Variants in CDH23 observed in about 807,000 individuals in gnomAD.
The protein encoded by CDH23 is cadherin related 23.
CDH23 carries 189 observed loss-of-function variants against 317.1 expected under a neutral mutation model. That is an observed-to-expected ratio of 0.60 (90% CI 0.53 to 0.67). The LOEUF is 0.67. Ranked by LOEUF, CDH23 falls within the 30% of genes least tolerant of loss-of-function variation. The pLI is 0.00. For missense variants in CDH23, 4,401 were observed against 4,592.4 expected, an observed-to-expected ratio of 0.96 and a Z score of 1.20; for synonymous variants, 1,839 against 1,876.8, an observed-to-expected ratio of 0.98 and a Z score of 0.52.
chr10:71,560,325 G>A (rs1857068568), intron 6 of CDH23, among the ~76,000 whole-genome samples: 1 of 152,152 alleles, frequency 6.6e-6, no homozygotes, highest in South Asian at 2.1e-4. Context: ...GTGAAAGTGT[G>A]CAATTTTGAA....
At chr10:71,478,720 T>C (rs1041695522) in intron 3 of CDH23, among the ~76,000 whole-genome samples, 1 of 152,176 alleles carries the variant, frequency 6.6e-6, no homozygotes, top group Admixed American at 6.5e-5. Context: ...CTGCTCTCCT[T>C]GGCTAAGGGT....
At chr10:71,737,400 T>C (rs904889872) in intron 34 of CDH23, among the ~76,000 whole-genome samples, 4 of 152,226 alleles carry the variant, frequency 2.6e-5, no homozygotes, top group Non-Finnish European at 4.4e-5. Context: ...AGTGGTTGGG[T>C]TGGCCTAGCT....
chr10:71,400,830 T>C (rs143927753), intron 1 of CDH23, among the ~76,000 whole-genome samples: 233 of 152,184 alleles, frequency 1.5e-3, no homozygotes, highest in African/African-American at 5.2e-3. Flanking sequence ...ATAATAGAAA[T>C]TTAAAAATAA....
rs1218156079 is a variant in CDH23 at position 71,705,098 on chromosome 10, C to A, written c.2921C>A (p.Thr974Asn). Residue 974 changes from threonine to asparagine, a missense_variant, in exon 25 of 70, where the codon ACC becomes AAC. Transcript: ENST00000224721. The stretch of plus-strand genomic sequence containing the variant: ...GTGGCCAGTGATGCAGGCACGCCCA[C>A]CAAGAGCTCCACCAGCACGCTCACC... ...RVVASDAGTP[T>N]KSSTSTLTIH... 1.2e-6 allele frequency: 2 copies of A among 1,611,532 alleles called. No homozygotes were observed. Among genetic ancestry groups the A allele is most frequent in the Non-Finnish European group, 1.7e-6 (2 of 1,179,412 alleles).
chr10:71,623,447 A>T (rs1861562331), intron 11 of CDH23, among the ~76,000 whole-genome samples: 1 of 152,236 alleles, frequency 6.6e-6, no homozygotes, highest in Non-Finnish European at 1.5e-5. Context: ...CTGCAGCCTC[A>T]TCGGGGGCAG....
chr10:71,601,234 G>C (rs1358384501), intron 9 of CDH23, among the ~76,000 whole-genome samples: 1 of 152,214 alleles, frequency 6.6e-6, no homozygotes, highest in Non-Finnish European at 1.5e-5. Context: ...TGGCATTAAA[G>C]GCCATGGCTT....
chr10:71,773,713 G>T (rs1840747166), intron 38 of CDH23, among the ~76,000 whole-genome samples: 1 of 152,322 alleles, frequency 6.6e-6, no homozygotes, highest in South Asian at 2.1e-4. Flanking sequence ...CACTTGATCG[G>T]CAGTTTAAAG....
chr10:71,593,129 A>T (rs529215425), intron 9 of CDH23, among the ~76,000 whole-genome samples: 27 of 152,374 alleles, frequency 1.8e-4, no homozygotes, highest in African/African-American at 6.3e-4. Flanking sequence ...TTTCAAAGAT[A>T]GACAGACTGA....
chr10:71,655,762 A>T (rs752562232), intron 14 of CDH23, among the ~76,000 whole-genome samples: 143 of 152,140 alleles, frequency 9.4e-4, no homozygotes, highest in Non-Finnish European at 1.8e-3. Context: ...GGAGGAAGGA[A>T]TGTGGGCAGG....
chr10:71,735,813 G>A (rs1839547645), intron 34 of CDH23, among the ~76,000 whole-genome samples: 1 of 152,196 alleles, frequency 6.6e-6, no homozygotes, highest in Non-Finnish European at 1.5e-5. Flanking sequence ...GGGTGAGTGA[G>A]GCTGTGATGG....
At chr10:71,593,288 T>C (rs538154802) in intron 9 of CDH23, among the ~76,000 whole-genome samples, 1 of 151,948 alleles carries the variant, frequency 6.6e-6, no homozygotes, top group East Asian at 1.9e-4. Flanking sequence ...TGAAAAAAAA[T>C]AAAGCAAGAT....
intron 9 of CDH23, among the ~76,000 whole-genome samples, chr10:71,604,185 G>GGCAGGAGGATCCCTTGAGC (rs1860396468): frequency 6.6e-6 from 1 of 152,224 alleles, no homozygotes; most frequent in African/African-American, 2.4e-5. Flanking sequence ...GGGAGGCTGA[G>GGCAGGAGGATCCCTTGAGC]GCAGGAGGAT....
At chr10:71,490,619 A>T (rs1223345447) in intron 3 of CDH23, among the ~76,000 whole-genome samples, 1 of 152,256 alleles carries the variant, frequency 6.6e-6, no homozygotes, top group Non-Finnish European at 1.5e-5. Context: ...GGCTACACGA[A>T]TGAGGGTCAT....
intron 9 of CDH23, among the ~76,000 whole-genome samples, chr10:71,604,917 G>T (rs1315263647): frequency 2.0e-5 from 3 of 152,214 alleles, no homozygotes; most frequent in Non-Finnish European, 4.4e-5. Flanking sequence ...AGCAAGACCA[G>T]GGCGGGAAAG....
At chr10:71,532,109 A>T (rs965369946) in intron 6 of CDH23, among the ~76,000 whole-genome samples, 1 of 151,776 alleles carries the variant, frequency 6.6e-6, no homozygotes. Context: ...AGACTCCTCC[A>T]GGGGCCTAAG....
rs759361777 is a variant in CDH23, at chr10:71,646,501, A to C, written c.1333A>C (p.Lys445Gln). 4 of 1,613,926 alleles carry C rather than the reference A, an allele frequency of 2.5e-6. No homozygotes were observed. In the Admixed American group the frequency reaches 5.0e-5, roughly 20 times the overall value. Residue 445 changes from lysine to glutamine, a missense_variant, in exon 14 of 70, where the codon AAG becomes CAG. Physicochemically the swap from Lys to Gln is moderately conservative, Grantham distance 53. Transcript: ENST00000224721. ...ESVPDHVGYA[K>Q]VKITLINEND... Reference sequence around the variant, plus strand: ...TGTGCCTGACCATGTGGGCTATGCCAAGGTGAAGATCACTCTCATCAATGA... The same window carrying C: ...TGTGCCTGACCATGTGGGCTATGCCCAGGTGAAGATCACTCTCATCAATGA...
At chr10:71,634,387 C>T (rs1862162752) in intron 11 of CDH23, among the ~76,000 whole-genome samples, 1 of 152,220 alleles carries the variant, frequency 6.6e-6, no homozygotes, top group East Asian at 1.9e-4. Context: ...AGCCCCCTGC[C>T]CCAACCCCAG....
intron 14 of CDH23, among the ~76,000 whole-genome samples, chr10:71,674,785 T>C (rs1230143404): frequency 6.6e-6 from 1 of 152,218 alleles, no homozygotes; most frequent in Non-Finnish European, 1.5e-5. Flanking sequence ...AGGGACAATA[T>C]GGAAGCCAAT....
chr10:71,738,460 G>C (rs1279309214), intron 34 of CDH23, 38 bp from the exon 35 acceptor site: 1 of 1,613,538 alleles, frequency 6.2e-7, no homozygotes, highest in Non-Finnish European at 8.5e-7. Context: ...CCAAGGAGGG[G>C]AAGGAGGCTG....
Sources: allele counts gnomAD v4.1 joint callset (sites outside exome capture counted in the v4.1 genomes callset), GRCh38; gene constraint gnomAD v4.1.1; transcripts MANE v1.5; gene names NCBI Gene and HGNC (gene_info 2026-07-23, HGNC 2026-07-21).